The following SUPT3H variants were observed in gnomAD, a reference collection of about 807,000 sequenced individuals.
The protein encoded by SUPT3H is transcription initiation protein SPT3 homolog.
In SUPT3H, 44 loss-of-function variants were observed where a neutral mutation model predicts 44.3. The ratio of observed to expected loss-of-function variants is 0.99; its 90% CI spans 0.78 to 1.28. The LOEUF (loss-of-function observed/expected upper bound fraction) is 1.28. Among genes scored for constraint, SUPT3H ranks in the 50% most tolerant of loss-of-function variants. The probability of loss-of-function intolerance (pLI) is 0.00; values close to 1 mark genes in which losing one functional copy is unlikely to be tolerated. For missense variants in SUPT3H, 380 were observed against 387.1 expected, an observed-to-expected ratio of 0.98 and a Z score of 0.15; for synonymous variants, 124 against 125.6, an observed-to-expected ratio of 0.99 and a Z score of 0.09.
intron 10 of SUPT3H, among the ~76,000 whole-genome samples, chr6:44,837,569 C>G (rs1170074783): frequency 1.3e-5 from 2 of 152,196 alleles, no homozygotes; most frequent in Non-Finnish European, 2.9e-5. Context: ...AGCCCAACCA[C>G]TAGCAATGTT....
At chr6:45,137,950 T>C (rs1804578385) in intron 2 of SUPT3H, among the ~76,000 whole-genome samples, 1 of 151,820 alleles carries the variant, frequency 6.6e-6, no homozygotes, top group South Asian at 2.1e-4. Context: ...GAGGGAGAAA[T>C]TACTTGAATA....
At chr6:45,359,373 A>G (rs934715148) in intron 2 of SUPT3H, among the ~76,000 whole-genome samples, 13 of 152,146 alleles carry the variant, frequency 8.5e-5, no homozygotes, top group Admixed American at 8.5e-4. Flanking sequence ...TCTCACTTAC[A>G]TTACAATTTG....
intron 3 of SUPT3H, among the ~76,000 whole-genome samples, chr6:45,038,087 CTTGT>C (rs2153528205): frequency 6.6e-6 from 1 of 152,176 alleles, no homozygotes; most frequent in South Asian, 2.1e-4. Context: ...AATCCACAGT[CTTGT>C]TAGAGTCTTG....
At chr6:45,305,971 C>A (rs772700448) in intron 2 of SUPT3H, among the ~76,000 whole-genome samples, 5 of 152,228 alleles carry the variant, frequency 3.3e-5, no homozygotes, top group Non-Finnish European at 7.3e-5. Flanking sequence ...ACCTAGGAGC[C>A]TCTCTAATTC....
chr6:45,231,700 C>T (rs996978295), intron 2 of SUPT3H, among the ~76,000 whole-genome samples: 2 of 152,174 alleles, frequency 1.3e-5, no homozygotes, highest in African/African-American at 4.8e-5. Flanking sequence ...CCCCTTCATT[C>T]TCTCCTCAAC....
chr6:44,958,872 GTTTT>G (rs10670652), intron 7 of SUPT3H, among the ~76,000 whole-genome samples: 6 of 98,276 alleles, frequency 6.1e-5, no homozygotes, highest in Admixed American at 1.4e-4. Flanking sequence ...CTTATCAATG[GTTTT>G]TTTTTTTTTT....
chr6:45,250,376 AAC>A (rs1415123894), intron 2 of SUPT3H, among the ~76,000 whole-genome samples: 2 of 147,204 alleles, frequency 1.4e-5, no homozygotes, highest in Non-Finnish European at 3.1e-5. Flanking sequence ...AAAAAAATAA[AAC>A]AATAAAAAAT....
chr6:45,009,468 C>A (rs1583029358), intron 5 of SUPT3H, among the ~76,000 whole-genome samples: 1 of 152,078 alleles, frequency 6.6e-6, no homozygotes, highest in African/African-American at 2.4e-5. Flanking sequence ...GGTCTATGAT[C>A]CATATTGGGT....
At chr6:45,314,363 G>T (rs185627533) in intron 2 of SUPT3H, among the ~76,000 whole-genome samples, 1 of 152,238 alleles carries the variant, frequency 6.6e-6, no homozygotes. Context: ...GTTGCCGTTT[G>T]CTGACAATAT....
intron 2 of SUPT3H, among the ~76,000 whole-genome samples, chr6:45,107,459 C>T (rs1583576042): frequency 6.6e-6 from 1 of 152,196 alleles, no homozygotes; most frequent in South Asian, 2.1e-4. Flanking sequence ...TAGGAAAATA[C>T]CCATTCCAGA....
chr6:45,365,547 A>C (rs1794984153), intron 1 of SUPT3H, among the ~76,000 whole-genome samples: 1 of 151,566 alleles, frequency 6.6e-6, no homozygotes, highest in Non-Finnish European at 1.5e-5. Context: ...TTTAGCACCT[A>C]TTTTACAATA....
At chr6:45,249,510 T>G (rs906345433) in intron 2 of SUPT3H, among the ~76,000 whole-genome samples, 1 of 149,734 alleles carries the variant, frequency 6.7e-6, no homozygotes, top group Non-Finnish European at 1.5e-5. Flanking sequence ...TTTTGGAAGC[T>G]AGAAAGCACA....
At chr6:44,947,590 T>C (rs1773562353) in intron 9 of SUPT3H, among the ~76,000 whole-genome samples, 1 of 152,148 alleles carries the variant, frequency 6.6e-6, no homozygotes, top group Non-Finnish European at 1.5e-5. Flanking sequence ...ACTAACAAGT[T>C]GATTCTAAAA....
chr6:45,203,660 G>A (rs1762755428), intron 2 of SUPT3H, among the ~76,000 whole-genome samples: 1 of 152,122 alleles, frequency 6.6e-6, no homozygotes, highest in South Asian at 2.1e-4. Context: ...CACGACATGT[G>A]TTGCTGTGGT....
chr6:45,081,427 T>A (rs553617257), intron 3 of SUPT3H, among the ~76,000 whole-genome samples: 1 of 152,262 alleles, frequency 6.6e-6, no homozygotes, highest in Non-Finnish European at 1.5e-5. Context: ...TCCTAGATTA[T>A]TTCCTTCATA....
intron 9 of SUPT3H, among the ~76,000 whole-genome samples, chr6:44,943,834 T>C (rs1772852811): frequency 6.6e-6 from 1 of 152,026 alleles, no homozygotes; most frequent in African/African-American, 2.4e-5. Context: ...TTCAGAAATA[T>C]CAAAACTAAG....
In SUPT3H at chr6:45,020,571, A is replaced by G; in HGVS notation, c.248T>C (p.Leu83Pro). The G allele has an allele frequency of 1.2e-6, 2 of 1,611,508 alleles. No homozygotes were observed. Among genetic ancestry groups the G allele is most frequent in the Non-Finnish European group, 1.7e-6 (2 of 1,178,306 alleles). Residue 83 changes from leucine to proline, a missense_variant, in exon 4 of 11, where the codon CTT becomes CCT. Transcript: ENST00000371459. The stretch of plus-strand genomic sequence containing the variant: ...CTTATCTTTGCGCATCAAAAACAGA[A>G]GATCTTCAGGAGTGATTACCCTTGC... ...RGARVITPED[L>P]LFLMRKDKKK...
chr6:45,124,916 GCA>G lies in SUPT3H; in HGVS notation c.102-18912_102-18911del, dbSNP rs1366927462. Among the ~76,000 whole-genome samples, 4 of 152,168 alleles carry G rather than the reference GCA, an allele frequency of 2.6e-5. No individual in the cohort carries two copies. In the East Asian group the frequency reaches 7.8e-4, roughly 30 times the overall value. On this transcript the variant is annotated intron_variant, in intron 2 of 10. Coordinates refer to ENST00000371459, the MANE Select transcript of SUPT3H (RefSeq NM_003599.4). ...GTATCCTTACAAAAAGTGGAAATTT[GCA>G]CAGAGACAGACACACACAGAGGGAA...
intron 9 of SUPT3H, among the ~76,000 whole-genome samples, chr6:44,944,682 A>T (rs1009911364): frequency 1.5e-5 from 2 of 133,422 alleles, no homozygotes; most frequent in South Asian, 2.6e-4. Context: ...GGATTGCTTG[A>T]GCCTGGGAGA....
Sources: gnomAD v4.1 joint callset for allele counts (sites outside exome capture counted in the v4.1 genomes callset) on GRCh38, gnomAD v4.1.1 for gene constraint, MANE v1.5 for transcripts, NCBI Gene and HGNC (gene_info 2026-07-23, HGNC 2026-07-21) for gene names.